PDSS1: variants seen among roughly 807,000 people sequenced by gnomAD.
PDSS1 encodes the protein decaprenyl diphosphate synthase subunit 1.
In PDSS1, 43 loss-of-function variants were observed where a neutral mutation model predicts 57.5. That is an observed-to-expected ratio of 0.75 (90% CI 0.59 to 0.96). PDSS1 has a LOEUF of 0.96. PDSS1 is among the 50% of genes least tolerant of loss of function. PDSS1 has a pLI of 0.00. For synonymous variants in PDSS1, 175 were observed against 191.3 expected, an observed-to-expected ratio of 0.91 and a Z score of 0.70; for missense variants, 438 against 527.8, an observed-to-expected ratio of 0.83 and a Z score of 1.67.
At chr10:26,721,222 C>T (rs1427716619) in intron 6 of PDSS1, among the ~76,000 whole-genome samples, 1 of 151,556 alleles carries the variant, frequency 6.6e-6, no homozygotes, top group Non-Finnish European at 1.5e-5. Flanking sequence ...TCGCTTGAAC[C>T]TGGGAGAGGG....
At chr10:26,727,343 T>C (rs182132817) in intron 8 of PDSS1, among the ~76,000 whole-genome samples, 3 of 95,538 alleles carry the variant, frequency 3.1e-5, no homozygotes, top group Admixed American at 1.1e-4. Context: ...TCTCTCTCTT[T>C]TTTTTTTTTT....
intron 5 of PDSS1, chr10:26,715,729 G>A (rs1332295280): frequency 2.0e-5 from 3 of 152,110 alleles, no homozygotes; most frequent in Non-Finnish European, 2.9e-5. Flanking sequence ...TCCCCAATTT[G>A]AAAGAACTGA....
intron 2 of PDSS1, among the ~76,000 whole-genome samples, chr10:26,702,501 G>A (rs79775093): frequency 0.07 from 10,695 of 152,082 alleles, 1,153 homozygotes; most frequent in African/African-American, 0.23. Flanking sequence ...TTCCTTCTGT[G>A]TTCATTCTCC....
Position 26,716,955 on chromosome 10 carries a change from A to C in PDSS1, c.468-3263A>C, listed in dbSNP as rs114545599. On this transcript the variant is annotated intron_variant, in intron 5 of 11. Transcript: ENST00000376215. ...TTCAGTTTGGCATTTTGGAGATGTC[A>C]TCTTAAGGACAGTGTGAGGTTTTTC... Among the ~76,000 whole-genome samples, 390 of 152,308 alleles carry C rather than the reference A, an allele frequency of 2.6e-3. 1 individual carries two copies. The highest frequency in any genetic ancestry group is 8.9e-3 in the African/African-American group (368 of 41,566).
In PDSS1 at chr10:26,719,340, A is replaced by G. The variant is rs961180508; in HGVS notation, c.468-878A>G. On this transcript the variant is annotated intron_variant, in intron 5 of 11. Coordinates refer to ENST00000376215, the MANE Select transcript of PDSS1 (RefSeq NM_014317.5). ...ATCTGTGTCCTGTCTTCTTGAGCCT[A>G]CTTATCCTATAGTTTGTGTTAAACT... 2.0e-5 allele frequency among the ~76,000 whole-genome samples: 3 copies of G among 152,358 alleles called. No homozygotes were observed. In the South Asian group the frequency reaches 6.2e-4, roughly 32 times the overall value.
intron 11 of PDSS1, among the ~76,000 whole-genome samples, chr10:26,744,304 G>T (rs1382012288): frequency 6.6e-6 from 1 of 151,902 alleles, no homozygotes; most frequent in Non-Finnish European, 1.5e-5. Flanking sequence ...CATTAAATCC[G>T]AAGGCAAAAG....
At chr10:26,742,970 C>A (rs1184624108) in intron 11 of PDSS1, among the ~76,000 whole-genome samples, 1 of 152,208 alleles carries the variant, frequency 6.6e-6, no homozygotes, top group Non-Finnish European at 1.5e-5. Context: ...CCATCCATGA[C>A]CCCATCCGGG....
At chr10:26,704,534 A>C (rs147533212) in intron 2 of PDSS1, 143 bp from the exon 3 acceptor site, 21 of 596,196 alleles carry the variant, frequency 3.5e-5, no homozygotes, top group African/African-American at 3.4e-4. Flanking sequence ...GGAAACTTTA[A>C]AATTATTCTT....
At chr10:26,713,477 G>A (rs1469896373) in intron 5 of PDSS1, among the ~76,000 whole-genome samples, 1 of 151,894 alleles carries the variant, frequency 6.6e-6, no homozygotes, top group Non-Finnish European at 1.5e-5. Flanking sequence ...ACTAGATTAC[G>A]GGGAGTTCTT....
At chr10:26,737,415 A>G (rs973597155) in intron 10 of PDSS1, among the ~76,000 whole-genome samples, 1 of 152,140 alleles carries the variant, frequency 6.6e-6, no homozygotes, top group African/African-American at 2.4e-5. Context: ...ACCTCTGCAT[A>G]GTATCTGTCA....
At position 26,735,227 on chromosome 10, in the gene PDSS1, C is replaced by G. The variant is rs1285340665; in HGVS notation, c.832-13C>G. 2 of 1,602,656 alleles carry G rather than the reference C, an allele frequency of 1.2e-6. No individual in the cohort carries two copies. Among genetic ancestry groups the G allele is most frequent in the Non-Finnish European group, 1.7e-6 (2 of 1,169,658 alleles). ...TGGAAGCAGCTTATCTCAGAATGCT[C>G]TTTCTGTTTCAGGTCTCTGTTCTAG... On this transcript the variant is annotated splice_polypyrimidine_tract_variant and intron_variant, in intron 8 of 11. Transcript: ENST00000376215.
intron 8 of PDSS1, among the ~76,000 whole-genome samples, chr10:26,729,521 A>C (rs1836090171): frequency 6.6e-6 from 1 of 152,172 alleles, no homozygotes. Context: ...CCCCCTTCCC[A>C]AACAGTGAGA....
chr10:26,725,541 A>G (rs1835923798), intron 8 of PDSS1, among the ~76,000 whole-genome samples: 1 of 152,080 alleles, frequency 6.6e-6, no homozygotes, highest in African/African-American at 2.4e-5. Context: ...GTGAGATGGA[A>G]GAAAGTATAG....
At chr10:26,704,589 A>G (rs1182993029) in intron 2 of PDSS1, 88 bp from the exon 3 acceptor site, 21 of 746,068 alleles carry the variant, frequency 2.8e-5, no homozygotes, top group Non-Finnish European at 4.6e-5. Flanking sequence ...ATTAGAAGAT[A>G]AAGATTATAA....
At chr10:26,725,023 A>AT (rs375652932) in intron 8 of PDSS1, among the ~76,000 whole-genome samples, 166 of 147,918 alleles carry the variant, frequency 1.1e-3, no homozygotes, top group Middle Eastern at 3.5e-3. Flanking sequence ...ACATGTATAC[A>AT]TTTTTTTTTT....
At chr10:26,740,972 CTCTT>C (rs929680592) in intron 10 of PDSS1, among the ~76,000 whole-genome samples, 6 of 152,142 alleles carry the variant, frequency 3.9e-5, no homozygotes, top group African/African-American at 1.4e-4. Context: ...TTTTTTCTCT[CTCTT>C]CTTGCTATCA....
At chr10:26,745,511 T>A (rs2132330811) in intron 11 of PDSS1, among the ~76,000 whole-genome samples, 1 of 152,244 alleles carries the variant, frequency 6.6e-6, no homozygotes, top group Middle Eastern at 3.4e-3. Context: ...ACCCTCATCT[T>A]AACAAAAAGG....
chr10:26,727,229 G>A (rs377570458), intron 8 of PDSS1, among the ~76,000 whole-genome samples: 2 of 152,098 alleles, frequency 1.3e-5, no homozygotes, highest in Admixed American at 1.3e-4. Context: ...AATGAGACCT[G>A]AGAGGTCAGA....
In PDSS1 at chr10:26,702,185, C is replaced by T; in HGVS notation, c.153C>T (p.Asp51=). 1 of 453,566 alleles carries T rather than the reference C, an allele frequency of 2.2e-6. No individual in the cohort carries two copies. The highest frequency in any genetic ancestry group is 1.6e-5 in the South Asian group (1 of 64,122). 28.1% of individuals were successfully genotyped at this position (453,566 alleles called of 1,614,324 possible). ...RAQVHRRKGL[D]LSQIPYINLV... is the part of the protein sequence containing the mutation. The stretch of plus-strand genomic sequence containing the variant: ...AGGTTCATAGGCGGAAGGGACTTGA[C>T]TTGTCTCAGGTAAGACTTTGGACTT... Residue 51 remains aspartate, a synonymous_variant, in exon 2 of 12, where the codon GAC becomes GAT. Transcript: ENST00000376215.
Sources: gnomAD v4.1 joint callset for allele counts (sites outside exome capture counted in the v4.1 genomes callset) on GRCh38, gnomAD v4.1.1 for gene constraint, MANE v1.5 for transcripts, NCBI Gene and HGNC (gene_info 2026-07-23, HGNC 2026-07-21) for gene names.